Variants in AKT3 observed in about 807,000 individuals in gnomAD.
AKT3 encodes the protein AKT serine/threonine kinase 3.
A neutral mutation model predicts 65.3 loss-of-function variants in AKT3; 15 were observed. The ratio of observed to expected loss-of-function variants is 0.23; its 90% CI spans 0.15 to 0.35. AKT3 has a LOEUF of 0.35. Ranked by LOEUF, AKT3 falls within the 10% of genes least tolerant of loss-of-function variation. AKT3 has a pLI of 1.00. For missense variants in AKT3, 243 were observed against 576.5 expected (o/e 0.42, Z 5.92); for synonymous variants, 206 against 183.8 (o/e 1.12, Z -0.98).
chr1:243,525,587 TAAAA>T (rs1375821576), intron 12 of AKT3, among the ~76,000 whole-genome samples: 2 of 145,520 alleles, frequency 1.4e-5, no homozygotes, highest in Non-Finnish European at 3.0e-5. Context: ...AAACCTAAAA[TAAAA>T]AAAAATAAAA....
chr1:243,531,906 C>A (rs1671558459), intron 12 of AKT3, among the ~76,000 whole-genome samples: 1 of 152,056 alleles, frequency 6.6e-6, no homozygotes, highest in Non-Finnish European at 1.5e-5. Context: ...ATCAATTTTA[C>A]ATTGTTGATA....
At chr1:243,794,074 G>A (rs1016808748) in intron 2 of AKT3, among the ~76,000 whole-genome samples, 1 of 152,094 alleles carries the variant, frequency 6.6e-6, no homozygotes, top group Admixed American at 6.5e-5. Flanking sequence ...TGTCACCCAG[G>A]GTACAGTGCA....
chr1:243,553,662 A>C (rs879797777), intron 10 of AKT3, among the ~76,000 whole-genome samples: 8 of 152,182 alleles, frequency 5.3e-5, no homozygotes, highest in East Asian at 1.9e-4. Flanking sequence ...TATGTCCTTA[A>C]ATTTTTCCCA....
chr1:243,488,868 C>T (rs1665676372), intron 13 of AKT3: 1 of 1,095,900 alleles, frequency 9.1e-7, no homozygotes, highest in African/African-American at 1.5e-5. Flanking sequence ...GGACCTAGTG[C>T]CAGCCAGAGC....
chr1:243,636,072 T>C (rs1679948999), intron 6 of AKT3, among the ~76,000 whole-genome samples: 1 of 152,046 alleles, frequency 6.6e-6, no homozygotes, highest in South Asian at 2.1e-4. Context: ...CCCAGTCTGA[T>C]GAACAGAAAT....
chr1:243,549,227 T>A (rs573340665), intron 11 of AKT3, among the ~76,000 whole-genome samples: 3 of 152,292 alleles, frequency 2.0e-5, no homozygotes, highest in African/African-American at 7.2e-5. Context: ...TCAGACTCAG[T>A]GTACCCAAAG....
At chr1:243,740,161 T>G (rs995653848) in intron 2 of AKT3, among the ~76,000 whole-genome samples, 3 of 152,166 alleles carry the variant, frequency 2.0e-5, no homozygotes, top group African/African-American at 7.2e-5. Context: ...TGAGAGAAAC[T>G]ACGCCAAAAT....
At chr1:243,745,830 T>C (rs143350521) in intron 2 of AKT3, among the ~76,000 whole-genome samples, 177 of 152,310 alleles carry the variant, frequency 1.2e-3, no homozygotes, top group Non-Finnish European at 1.5e-3. Context: ...GAGGTTTTAT[T>C]ATGCAAAGGA....
At chr1:243,588,491 T>C (rs1025943247) in intron 8 of AKT3, among the ~76,000 whole-genome samples, 1 of 152,108 alleles carries the variant, frequency 6.6e-6, no homozygotes, top group African/African-American at 2.4e-5. Context: ...GAATAAAAAC[T>C]AACACTCTGA....
rs1341155795 is a variant in AKT3 at position 243,662,200 on chromosome 1, A to T, written c.284+2572T>A. On this transcript the variant is annotated intron_variant, in intron 4 of 13. Coordinates refer to ENST00000673466, the MANE Select transcript of AKT3 (RefSeq NM_005465.7). Reference sequence around the variant, plus strand: ...ATACCATTTGACCCAGCCATCCCATAACTGGGTATATACCCAAAGGACTAT... The same window carrying T: ...ATACCATTTGACCCAGCCATCCCATTACTGGGTATATACCCAAAGGACTAT... Among the ~76,000 whole-genome samples, 27 of 152,120 alleles carry T rather than the reference A, an allele frequency of 1.8e-4. No individual in the cohort carries two copies. In the East Asian group the frequency reaches 2.3e-3, roughly 13 times the overall value.
intron 2 of AKT3, among the ~76,000 whole-genome samples, chr1:243,819,122 A>T (rs1011049142): frequency 1.3e-5 from 2 of 152,342 alleles, no homozygotes; most frequent in Admixed American, 1.3e-4. Context: ...GAGAATGCCT[A>T]AGACTACCGA....
chr1:243,775,832 C>A (rs1348736469), intron 2 of AKT3, among the ~76,000 whole-genome samples: 8 of 152,122 alleles, frequency 5.3e-5, no homozygotes, highest in Admixed American at 1.3e-4. Flanking sequence ...AAAAATGGTA[C>A]TTCTGCTTTC....
intron 7 of AKT3, among the ~76,000 whole-genome samples, chr1:243,614,668 A>T (rs1678163585): frequency 6.6e-6 from 1 of 152,142 alleles, no homozygotes; most frequent in African/African-American, 2.4e-5. Flanking sequence ...TTCGATAAAC[A>T]TTTCTGCCTT....
Position 243,637,750 on chromosome 1 carries a change from AT to A in AKT3, c.430-9del. On this transcript the variant is annotated splice_polypyrimidine_tract_variant and intron_variant, in intron 5 of 13. Coordinates refer to ENST00000673466, the MANE Select transcript of AKT3 (RefSeq NM_005465.7). ...GTCAAAATCATTCATTGTCTGAAAAATACAAATTAAAAAATATAATATGAAG... is the reference window on the plus strand; with the variant it reads ...GTCAAAATCATTCATTGTCTGAAAAAACAAATTAAAAAATATAATATGAAG... The A allele has an allele frequency of 1.3e-6, 2 of 1,501,794 alleles. No homozygotes were observed. The highest frequency in any genetic ancestry group is 2.3e-5 in the South Asian group (2 of 85,174). 93.0% of individuals were successfully genotyped at this position (1,501,794 alleles called of 1,614,324 possible).
At position 243,593,495 on chromosome 1, in the gene AKT3, T is replaced by C. The variant is rs576160246; in HGVS notation, c.696+20176A>G. ...TGAGGGTAAGAGTTCGAGAGCAATC[T>C]AGCTAACATAGTGAAACCCCAACTC... On this transcript the variant is annotated intron_variant, in intron 8 of 13. Transcript: ENST00000673466. Among the ~76,000 whole-genome samples, 8 of 152,262 alleles carry C rather than the reference T, an allele frequency of 5.3e-5. No homozygotes were observed. In the East Asian group the frequency reaches 1.5e-3, roughly 29 times the overall value.
chr1:243,733,882 T>C (rs1321272773), intron 2 of AKT3, among the ~76,000 whole-genome samples: 1 of 152,180 alleles, frequency 6.6e-6, no homozygotes, highest in Non-Finnish European at 1.5e-5. Flanking sequence ...AACCTTCAAT[T>C]TGTACAAAAT....
intron 8 of AKT3, among the ~76,000 whole-genome samples, chr1:243,578,653 ACCTGCACAT>A (rs1341384605): frequency 6.6e-6 from 1 of 152,152 alleles, no homozygotes; most frequent in Non-Finnish European, 1.5e-5. Flanking sequence ...TATGTAACAA[ACCTGCACAT>A]CCTGCACATG....
intron 6 of AKT3, among the ~76,000 whole-genome samples, chr1:243,615,445 C>G (rs923087722): frequency 2.6e-5 from 4 of 152,024 alleles, no homozygotes; most frequent in Non-Finnish European, 4.4e-5. Flanking sequence ...TTATCAGGGA[C>G]ACAGAAAATT....
At chr1:243,766,205 G>A (rs887469735) in intron 2 of AKT3, among the ~76,000 whole-genome samples, 1 of 152,070 alleles carries the variant, frequency 6.6e-6, no homozygotes, top group African/African-American at 2.4e-5. Flanking sequence ...TAAATAATTT[G>A]TATTACATAT....
Sources: allele counts gnomAD v4.1 joint callset (sites outside exome capture counted in the v4.1 genomes callset), GRCh38; gene constraint gnomAD v4.1.1; transcripts MANE v1.5; gene names NCBI Gene and HGNC (gene_info 2026-07-23, HGNC 2026-07-21).